Variants in HMGB1 observed in about 807,000 individuals in gnomAD.
HMGB1 encodes high mobility group protein B1.
For synonymous variants in HMGB1, 81 were observed against 84.0 expected (o/e 0.96, Z 0.19); for missense variants, 79 against 253.5 (o/e 0.31, Z 4.67).
intron 3 of HMGB1, 26 bp from the exon 4 acceptor site, chr13:30,462,738 T>G: frequency 1.3e-6 from 2 of 1,592,738 alleles, no homozygotes; most frequent in Non-Finnish European, 1.7e-6. Context: ...ATTTTAGGAT[T>G]TTAAGTTAAC....
At chr13:30,474,361 T>C (rs928761811) in intron 1 of HMGB1, among the ~76,000 whole-genome samples, 11 of 152,330 alleles carry the variant, frequency 7.2e-5, no homozygotes, top group Middle Eastern at 3.4e-3. Context: ...TCCTCTTCAT[T>C]AGGTAGAATT....
chr13:30,554,124 C>A, intron 1 of HMGB1: 1 of 1,248,018 alleles, frequency 8.0e-7, no homozygotes, highest in Non-Finnish European at 1.2e-6. Context: ...GATGTGAAGT[C>A]ATATTACACA....
intron 1 of HMGB1, among the ~76,000 whole-genome samples, chr13:30,558,444 A>G (rs905685265): frequency 6.6e-6 from 1 of 152,226 alleles, no homozygotes; most frequent in Non-Finnish European, 1.5e-5. Context: ...TTTGCTCACC[A>G]AGACCTCAGC....
chr13:30,598,981 T>C (rs1316563860), intron 1 of HMGB1, among the ~76,000 whole-genome samples: 1 of 152,106 alleles, frequency 6.6e-6, no homozygotes, highest in Non-Finnish European at 1.5e-5. Context: ...TGTGTGTATA[T>C]ATAATTTTTT....
intron 1 of HMGB1, among the ~76,000 whole-genome samples, chr13:30,520,481 G>A (rs1309106471): frequency 6.7e-6 from 1 of 149,856 alleles, no homozygotes; most frequent in Non-Finnish European, 1.5e-5. Context: ...TTAGTCAGGT[G>A]TGGTGGCGTA....
At chr13:30,464,714 G>GCCGCCC (rs1436242303) in intron 1 of HMGB1, 22 of 855,718 alleles carry the variant, frequency 2.6e-5, no homozygotes, top group Non-Finnish European at 3.1e-5. Context: ...CGCCTGCGCC[G>GCCGCCC]CCGCCGCCGC....
At chr13:30,469,632 CTATT>C (rs3042538), upstream of HMGB1, among the ~76,000 whole-genome samples, 1 of 60,278 alleles carries the variant, frequency 1.7e-5, no homozygotes, top group Non-Finnish European at 5.3e-5. Context: ...CACGCCCGGC[CTATT>C]TATTTATTTA....
At chr13:30,481,862 G>A (rs73167322) in intron 1 of HMGB1, among the ~76,000 whole-genome samples, 3,272 of 151,866 alleles carry the variant, frequency 0.022, 45 homozygotes, top group Non-Finnish European at 0.033. Flanking sequence ...CTTTTGAAAT[G>A]GAGTCTTGCT....
At chr13:30,485,791 T>TA (rs1887351970) in intron 1 of HMGB1, among the ~76,000 whole-genome samples, 1 of 152,228 alleles carries the variant, frequency 6.6e-6, no homozygotes, top group Non-Finnish European at 1.5e-5. Context: ...TACAGTATCT[T>TA]ACAATAGTAT....
intron 1 of HMGB1, among the ~76,000 whole-genome samples, chr13:30,583,810 A>T (rs1871015217): frequency 7.0e-6 from 1 of 143,024 alleles, no homozygotes; most frequent in Non-Finnish European, 1.5e-5. Flanking sequence ...TGACAGAGCG[A>T]GCGAGACTCT....
At chr13:30,498,166 T>G (rs139677472) in intron 1 of HMGB1, among the ~76,000 whole-genome samples, 2 of 152,292 alleles carry the variant, frequency 1.3e-5, no homozygotes, top group African/African-American at 4.8e-5. Flanking sequence ...TAGTGTGGGA[T>G]AGTATCTCAT....
chr13:30,540,413 A>G (rs1386631986), intron 1 of HMGB1: 1 of 156,576 alleles, frequency 6.4e-6, no homozygotes, highest in South Asian at 1.8e-4. Flanking sequence ...TCAGAGTTAC[A>G]GATCTCTCTC....
In HMGB1 at chr13:30,461,144, C is replaced by T. The variant is rs1886299795; in HGVS notation, c.*213G>A. The T allele has an allele frequency of 2.3e-6, 3 of 1,310,966 alleles. No homozygotes were observed. The highest frequency in any genetic ancestry group is 2.9e-6 in the Non-Finnish European group (3 of 1,027,674). 81.2% of individuals were successfully genotyped at this position (1,310,966 alleles called of 1,614,324 possible). On this transcript the variant is annotated 3_prime_UTR_variant, in exon 5 of 5. Transcript: ENST00000341423. ...TTTACAACCCCCATACTGTACCAGG[C>T]AAGGTTAGTGGCTATTGAAAATACC...
At chr13:30,502,252 G>A (rs1334644475) in intron 1 of HMGB1, among the ~76,000 whole-genome samples, 1 of 152,052 alleles carries the variant, frequency 6.6e-6, no homozygotes, top group Non-Finnish European at 1.5e-5. Context: ...TATTTATTGA[G>A]CCTCTGCTAC....
At chr13:30,467,840 C>T (rs1209063605), upstream of HMGB1, among the ~76,000 whole-genome samples, 1 of 152,210 alleles carries the variant, frequency 6.6e-6, no homozygotes, top group African/African-American at 2.4e-5. Context: ...TGTACTGGCA[C>T]GGCCATACAC....
At chr13:30,613,834 A>T (rs1311777835) in intron 1 of HMGB1, among the ~76,000 whole-genome samples, 2 of 152,120 alleles carry the variant, frequency 1.3e-5, no homozygotes, top group Non-Finnish European at 2.9e-5. Context: ...ATATTCACAT[A>T]TGTGGAGAAT....
intron 1 of HMGB1, among the ~76,000 whole-genome samples, chr13:30,605,704 T>G (rs930670354): frequency 6.6e-6 from 1 of 152,222 alleles, no homozygotes; most frequent in African/African-American, 2.4e-5. Context: ...CTTGAGGCCT[T>G]TTCTTGCAAA....
chr13:30,456,757 G>GGGT lies in HMGB1; in HGVS notation c.*4599_*4600insACC, dbSNP rs1353776953. On this transcript the variant is annotated 3_prime_UTR_variant, in exon 5 of 5. Transcript: ENST00000341423. ...TCACAGCATAAATAACAGCTTTTGT[G>GGGT]GGCGGGGGGGGGGGGTGGTGGGGTG... The GGGT allele has an allele frequency of 1.1e-4, 8 of 69,702 alleles. No individual in the cohort carries two copies. Among genetic ancestry groups the GGGT allele is most frequent in the Non-Finnish European group, 2.6e-4 (8 of 30,716 alleles). 4.3% of individuals were successfully genotyped at this position (69,702 alleles called of 1,614,324 possible).
At chr13:30,608,794 T>A (rs538771736) in intron 1 of HMGB1, among the ~76,000 whole-genome samples, 219 of 152,334 alleles carry the variant, frequency 1.4e-3, no homozygotes, top group African/African-American at 5.1e-3. Flanking sequence ...TTCAGTAAAC[T>A]TAATTTCAAT....
Sources: allele counts gnomAD v4.1 joint callset (sites outside exome capture counted in the v4.1 genomes callset), GRCh38; gene constraint gnomAD v4.1.1; transcripts MANE v1.5; gene names NCBI Gene and HGNC (gene_info 2026-07-23, HGNC 2026-07-21).